The following ZNF566 variants were observed in gnomAD, a reference collection of about 807,000 sequenced individuals.
ZNF566 encodes the protein zinc finger protein 566.
In ZNF566, 27 loss-of-function variants were observed where a neutral mutation model predicts 32.8. The ratio of observed to expected loss-of-function variants is 0.82; its 90% CI spans 0.61 to 1.14. The LOEUF is 1.14. Among genes scored for constraint, ZNF566 ranks in the 50% most tolerant of loss-of-function variants. ZNF566 has a pLI of 0.00. For missense variants in ZNF566, 402 were observed against 490.4 expected (o/e 0.82, Z 1.70); for synonymous variants, 154 against 159.5 (o/e 0.97, Z 0.26).
chr19:36,452,090 A>C (rs1214945300), intron 4 of ZNF566, among the ~76,000 whole-genome samples: 1 of 152,180 alleles, frequency 6.6e-6, no homozygotes, highest in Non-Finnish European at 1.5e-5. Context: ...CGTTAAAAAA[A>C]AAAAAGGGAG....
In ZNF566 at chr19:36,472,967, T is replaced by C; in HGVS notation, c.176A>G (p.Glu59Gly). The C allele has an allele frequency of 6.2e-7, 1 of 1,614,024 alleles. No homozygotes were observed. Among genetic ancestry groups the C allele is most frequent in the Non-Finnish European group, 8.5e-7 (1 of 1,179,980 alleles). The change falls in exon 4 of 5, where the codon GAG becomes GGG. Residue 59 changes from glutamate to glycine, a missense_variant. Coordinates refer to ENST00000452939, the MANE Select transcript of ZNF566 (RefSeq NM_001145344.1). ...AGCCAACCAGGGCTCCTTCCCTTGC[T>C]CCAAGTAGGAGATCACATTTGGTTT... ...ISKPNVISYL[E>G]QGKEPWLADR...
intron 1 of ZNF566, among the ~76,000 whole-genome samples, chr19:36,488,634 C>T (rs1281423963): frequency 6.6e-6 from 1 of 151,976 alleles, no homozygotes; most frequent in Non-Finnish European, 1.5e-5. Flanking sequence ...CTATAAATAA[C>T]TAATAGGGCA....
intron 1 of ZNF566, among the ~76,000 whole-genome samples, chr19:36,482,255 G>A (rs1021343291): frequency 3.3e-5 from 5 of 152,136 alleles, no homozygotes; most frequent in East Asian, 1.9e-4. Flanking sequence ...ACAGGCGCCC[G>A]CCACCACGCC....
rs765314154 is a variant in ZNF566, at chr19:36,473,365, T to C, written c.103A>G (p.Met35Val). Residue 35 changes from methionine (M) to valine (V), a missense_variant, in exon 3 of 5, where the codon ATG (methionine) becomes GTG (valine). This residue lies in a region of ZNF566 where 220 missense variants were observed against 241.9 expected (regional missense o/e 0.91). Coordinates refer to ENST00000452939, the MANE Select transcript of ZNF566 (RefSeq NM_001145344.1). ...DDQRDLYRDV[M>V]LENYSNLVSM... ...ACCAGGTTGCTGTAATTCTCCAACATCACATCTCTGTATAAATCTCTCTGA... is the reference window on the plus strand; with the variant it reads ...ACCAGGTTGCTGTAATTCTCCAACACCACATCTCTGTATAAATCTCTCTGA... 2 of 1,614,058 alleles carry C rather than the reference T, an allele frequency of 1.2e-6. No homozygotes were observed. The highest frequency in any genetic ancestry group is 1.7e-5 in the Admixed American group (1 of 60,012).
At chr19:36,468,472 G>A (rs2033682675) in intron 4 of ZNF566, among the ~76,000 whole-genome samples, 1 of 151,358 alleles carries the variant, frequency 6.6e-6, no homozygotes, top group African/African-American at 2.4e-5. Flanking sequence ...TGGGTGTGGT[G>A]CTGCATGCCT....
intron 4 of ZNF566, among the ~76,000 whole-genome samples, chr19:36,470,531 C>T (rs993142811): frequency 7.9e-5 from 12 of 152,190 alleles, no homozygotes. Context: ...GTATCTCAAC[C>T]AGACTACTAC....
chr19:36,487,795 G>A (rs548067957), intron 1 of ZNF566, among the ~76,000 whole-genome samples: 2 of 151,472 alleles, frequency 1.3e-5, no homozygotes, highest in East Asian at 3.9e-4. Context: ...TACTCAGGAG[G>A]CTGAGGCAGG....
chr19:36,450,597 T>C (rs1228202251), intron 4 of ZNF566, among the ~76,000 whole-genome samples: 3 of 152,084 alleles, frequency 2.0e-5, no homozygotes, highest in South Asian at 2.1e-4. Context: ...TGAGCCGAGA[T>C]TGCCACTGCA....
At chr19:36,472,632 A>C (rs2033792751) in intron 4 of ZNF566, among the ~76,000 whole-genome samples, 1 of 152,206 alleles carries the variant, frequency 6.6e-6, no homozygotes, top group African/African-American at 2.4e-5. Context: ...AGAAGCTAGG[A>C]AGGAAATGGA....
chr19:36,469,550 G>GA (rs929535530), intron 4 of ZNF566, among the ~76,000 whole-genome samples: 4 of 151,210 alleles, frequency 2.6e-5, no homozygotes, highest in South Asian at 2.1e-4. Context: ...CGAAAACAAA[G>GA]AAAAAAAAGA....
intron 1 of ZNF566, among the ~76,000 whole-genome samples, chr19:36,483,628 T>C (rs1039369696): frequency 6.6e-6 from 1 of 150,968 alleles, no homozygotes. Flanking sequence ...TAATAGAGAA[T>C]AGAATAAAAT....
intron 4 of ZNF566, among the ~76,000 whole-genome samples, chr19:36,454,052 T>C (rs1413779781): frequency 6.6e-6 from 1 of 152,104 alleles, no homozygotes; most frequent in African/African-American, 2.4e-5. Flanking sequence ...TTCCAACTCC[T>C]GACCTCAAGT....
intron 4 of ZNF566, among the ~76,000 whole-genome samples, chr19:36,469,276 C>T (rs749659447): frequency 5.3e-5 from 8 of 151,890 alleles, no homozygotes; most frequent in Admixed American, 1.3e-4. Context: ...CGGTGGCTTA[C>T]GCCTGCAATC....
intron 4 of ZNF566, among the ~76,000 whole-genome samples, chr19:36,465,775 T>A (rs2033598174): frequency 1.3e-5 from 2 of 151,892 alleles, no homozygotes; most frequent in African/African-American, 4.8e-5. Flanking sequence ...GCCCAGCTTA[T>A]AAATACTATT....
At chr19:36,468,198 A>T (rs959458813) in intron 4 of ZNF566, among the ~76,000 whole-genome samples, 3 of 151,674 alleles carry the variant, frequency 2.0e-5, no homozygotes, top group Non-Finnish European at 4.4e-5. Flanking sequence ...AAAAAAAAAA[A>T]AAAAAAATTA....
chr19:36,478,784 C>A (rs915767930), intron 1 of ZNF566, among the ~76,000 whole-genome samples: 1 of 152,128 alleles, frequency 6.6e-6, no homozygotes, highest in Non-Finnish European at 1.5e-5. Context: ...CTACTCATTT[C>A]CCAGGGTTAT....
At chr19:36,476,450 T>C (rs1600170503) in intron 2 of ZNF566, 99 bp downstream of exon 2, 1 of 1,158,122 alleles carries the variant, frequency 8.6e-7, no homozygotes, top group Non-Finnish European at 1.2e-6. Flanking sequence ...AAGGTGTTGT[T>C]TTTCTAACAT....
intron 4 of ZNF566, among the ~76,000 whole-genome samples, chr19:36,457,237 G>T (rs1036226584): frequency 6.6e-6 from 1 of 152,050 alleles, no homozygotes; most frequent in Non-Finnish European, 1.5e-5. Context: ...ATACATATAC[G>T]AAAGTCAACT....
chr19:36,482,695 G>C (rs2034066902), intron 1 of ZNF566, among the ~76,000 whole-genome samples: 1 of 152,148 alleles, frequency 6.6e-6, no homozygotes. Context: ...ATGTATTCTA[G>C]GATAGAGCTA....
Sources: gnomAD v4.1 joint callset for allele counts (sites outside exome capture counted in the v4.1 genomes callset) on GRCh38, gnomAD v4.1.1 for gene constraint, gnomAD v4.1.1 regional missense constraint, MANE v1.5 for transcripts, NCBI Gene and HGNC (gene_info 2026-07-23, HGNC 2026-07-21) for gene names.